TYW1: variants seen among roughly 807,000 people sequenced by gnomAD.
TYW1 encodes the protein S-adenosyl-L-methionine-dependent tRNA 4-demethylwyosine synthase TYW1.
TYW1 carries 46 observed loss-of-function variants against 96.2 expected under a neutral mutation model. The observed-to-expected ratio is 0.48, with a 90% confidence interval of 0.38 to 0.61. The LOEUF (loss-of-function observed/expected upper bound fraction) is 0.61. TYW1 is among the 20% of genes least tolerant of loss of function. TYW1 has a pLI of 0.00. For missense variants in TYW1, 684 were observed against 909.6 expected (o/e 0.75, Z 3.19); for synonymous variants, 274 against 323.0 (o/e 0.85, Z 1.63).
At chr7:67,132,812 A>T (rs1798124154) in intron 13 of TYW1, among the ~76,000 whole-genome samples, 1 of 152,220 alleles carries the variant, frequency 6.6e-6, no homozygotes, top group Non-Finnish European at 1.5e-5. Context: ...GAGACTTTGT[A>T]ACTGCTAGGT....
intron 7 of TYW1, among the ~76,000 whole-genome samples, chr7:67,034,285 T>A (rs1584486519): frequency 6.7e-6 from 1 of 149,866 alleles, no homozygotes; most frequent in East Asian, 2.0e-4. Context: ...GTATTTTTTT[T>A]AGTACAGACG....
intron 15 of TYW1, among the ~76,000 whole-genome samples, chr7:67,223,043 A>G (rs972062955): frequency 1.3e-5 from 2 of 151,776 alleles, no homozygotes; most frequent in African/African-American, 4.8e-5. Flanking sequence ...TAGGTTTTCT[A>G]TGCCTATTGA....
At chr7:67,057,019 C>CTTT (rs770339972) in intron 9 of TYW1, among the ~76,000 whole-genome samples, 2 of 138,796 alleles carry the variant, frequency 1.4e-5, no homozygotes, top group South Asian at 2.3e-4. Context: ...TTTTTCTTTT[C>CTTT]TTTTTTTTTT....
intron 13 of TYW1, among the ~76,000 whole-genome samples, chr7:67,164,953 C>G (rs1391201626): frequency 6.6e-6 from 1 of 151,488 alleles, no homozygotes; most frequent in Non-Finnish European, 1.5e-5. Context: ...TCATCATGTC[C>G]ATAGGCTACA....
rs563114276 is a variant in TYW1, at chr7:67,059,382, C to T, written c.1155+3495C>T. Among the ~76,000 whole-genome samples, 199 of 151,392 alleles carry T rather than the reference C, an allele frequency of 1.3e-3. 1 individual carries two copies. The highest frequency in any genetic ancestry group is 2.2e-3 in the Non-Finnish European group (149 of 67,790). On this transcript the variant is annotated intron_variant, in intron 9 of 15. Transcript: ENST00000359626. ...TCTCCCAAAGTGCTGGGATTACAGG[C>T]GTGAGCCACCGTGCCTGGCCAAAGA...
chr7:67,231,926 ATAT>A (rs1169558657), intron 15 of TYW1, among the ~76,000 whole-genome samples: 125 of 152,018 alleles, frequency 8.2e-4, no homozygotes, highest in African/African-American at 3.0e-3. Flanking sequence ...TAGTTCTTTA[ATAT>A]TAAAAAAAAA....
chr7:67,063,791 A>G (rs1403845415), intron 9 of TYW1, among the ~76,000 whole-genome samples: 1 of 151,956 alleles, frequency 6.6e-6, no homozygotes, highest in Non-Finnish European at 1.5e-5. Context: ...TTTAGTAGAG[A>G]CGGGGTTTCA....
At chr7:67,110,252 C>T (rs529337553) in intron 12 of TYW1, among the ~76,000 whole-genome samples, 2 of 152,192 alleles carry the variant, frequency 1.3e-5, no homozygotes, top group East Asian at 1.9e-4. Context: ...AAAGCTCCAT[C>T]GTATTCCTGG....
At chr7:67,120,205 C>T (rs1797719914) in intron 13 of TYW1, among the ~76,000 whole-genome samples, 4 of 152,062 alleles carry the variant, frequency 2.6e-5, no homozygotes, top group African/African-American at 9.7e-5. Flanking sequence ...CCTCAGCCTC[C>T]CCAGTAGCTA....
rs770553391 is a variant in TYW1 at position 67,238,356 on chromosome 7, C to T, written c.2026C>T (p.Gln676Ter). Residue 676 changes from glutamine to a stop codon, truncating the protein, a stop_gained, in exon 16 of 16, where the codon CAG (glutamine) becomes TAG (stop). Transcript: ENST00000359626. LOFTEE classifies it high-confidence loss of function. The part of the protein sequence containing the change: ...WWTWIDYNRF[Q>*]ELIQEYEDSG... Reference sequence around the variant, plus strand: ...GACATGGATCGATTATAACCGCTTCCAGGAGCTCATCCAGGAATATGAAGA... The same window carrying T: ...GACATGGATCGATTATAACCGCTTCTAGGAGCTCATCCAGGAATATGAAGA... The T allele has an allele frequency of 6.8e-6, 11 of 1,613,126 alleles. No individual in the cohort carries two copies. Among genetic ancestry groups the T allele is most frequent in the Non-Finnish European group, 9.3e-6 (11 of 1,179,672 alleles).
intron 15 of TYW1, among the ~76,000 whole-genome samples, chr7:67,199,900 A>G (rs62464999): frequency 0.043 from 6,147 of 143,084 alleles, 186 homozygotes; most frequent in Middle Eastern, 0.11. Context: ...AGAACCCATC[A>G]AGAAAGAAAG....
rs1796996447 is a variant in TYW1 at position 67,098,690 on chromosome 7, A to T, written c.1534A>T (p.Thr512Ser). 6.2e-7 allele frequency: 1 copy of T among 1,613,994 alleles called. No homozygotes were observed. Among genetic ancestry groups the T allele is most frequent in the Admixed American group, 1.7e-5 (1 of 59,994 alleles). ...GTGTAAAATTTCCAGCTTCCTGGTC[A>T]CAAACGCACAATTTCCTGCGGAAAT... ...HQCKISSFLVTNAQFPAEIRN... is the reference protein window; with the variant it reads ...HQCKISSFLVSNAQFPAEIRN... Residue 512 changes from threonine (T) to serine (S), a missense_variant, in exon 12 of 16, where the codon ACA becomes TCA. Physicochemically the swap from Thr to Ser is moderately conservative, Grantham distance 58. Coordinates refer to ENST00000359626, the MANE Select transcript of TYW1 (RefSeq NM_018264.4).
chr7:67,202,046 C>G (rs1397840507), intron 15 of TYW1, among the ~76,000 whole-genome samples: 9 of 152,204 alleles, frequency 5.9e-5, no homozygotes, highest in Admixed American at 5.2e-4. Flanking sequence ...TGCTTGGGAA[C>G]CATGGCCACG....
At chr7:67,192,561 TAATGCTTATCAATA>T (rs1318591483) in intron 14 of TYW1, among the ~76,000 whole-genome samples, 1 of 152,210 alleles carries the variant, frequency 6.6e-6, no homozygotes, top group Admixed American at 6.5e-5. Flanking sequence ...CTTTTATGAC[TAATGCTTATCAATA>T]AATAATTTTC....
chr7:67,201,388 G>A (rs200506789), intron 15 of TYW1, among the ~76,000 whole-genome samples: 18,252 of 142,074 alleles, frequency 0.13, 1,510 homozygotes, highest in East Asian at 0.28. Context: ...TCACCCTCAG[G>A]TCTAGCAATC....
intron 11 of TYW1, among the ~76,000 whole-genome samples, chr7:67,088,789 C>T (rs1300984264): frequency 6.6e-6 from 1 of 152,106 alleles, no homozygotes; most frequent in Non-Finnish European, 1.5e-5. Flanking sequence ...AGTCTGATCT[C>T]GAACTCCTGG....
At chr7:67,118,396 T>G (rs1446620335) in intron 13 of TYW1, among the ~76,000 whole-genome samples, 2 of 152,128 alleles carry the variant, frequency 1.3e-5, no homozygotes, top group South Asian at 4.1e-4. Context: ...CTTATCTTCC[T>G]GTATACTTTA....
intron 13 of TYW1, among the ~76,000 whole-genome samples, chr7:67,177,663 G>T (rs1799715464): frequency 6.6e-6 from 1 of 152,174 alleles, no homozygotes; most frequent in Admixed American, 6.6e-5. Flanking sequence ...TGCAAAAGTG[G>T]TGAAAACTAG....
intron 13 of TYW1, among the ~76,000 whole-genome samples, chr7:67,163,115 C>T (rs981115163): frequency 1.3e-5 from 2 of 152,162 alleles, no homozygotes; most frequent in Non-Finnish European, 2.9e-5. Flanking sequence ...CCGCATTCTG[C>T]TTCTCAGGGC....
Sources: gnomAD v4.1 joint callset for allele counts (sites outside exome capture counted in the v4.1 genomes callset) on GRCh38, gnomAD v4.1.1 for gene constraint, MANE v1.5 for transcripts, NCBI Gene and HGNC (gene_info 2026-07-23, HGNC 2026-07-21) for gene names.